ECHDC1: variants seen among roughly 807,000 people sequenced by gnomAD.
ECHDC1 encodes the protein ethylmalonyl-CoA decarboxylase 1, also known as ethylmalonyl-CoA decarboxylase.
In ECHDC1, 29 loss-of-function variants were observed where a neutral mutation model predicts 29.7. The observed-to-expected ratio is 0.98, with a 90% CI of 0.73 to 1.33. The LOEUF (loss-of-function observed/expected upper bound fraction) is 1.33, where lower values mean the gene tolerates loss of function less well. ECHDC1 is among the 40% of genes most tolerant of loss of function. The pLI is 0.00. For missense variants in ECHDC1, 328 were observed against 350.0 expected (o/e 0.94, Z 0.50); for synonymous variants, 126 against 123.1 (o/e 1.02, Z -0.15).
At position 127,330,953 on chromosome 6, in the gene ECHDC1, A is replaced by T; in HGVS notation, c.76T>A (p.Tyr26Asn). Reference protein sequence around the residue: ...KLLHQTGLSLYSTSHGFYEEE... With the variant: ...KLLHQTGLSLNSTSHGFYEEE... ...TCATAAAATCCATGGGATGTACTAT[A>T]AAGTGACAATCCTGTTTGATGTAGC... The change falls in exon 2 of 6, where the codon TAT (tyrosine) becomes AAT (asparagine). Residue 26 changes from tyrosine to asparagine, a missense_variant. By Grantham distance (143) the Tyr-to-Asn change is moderately radical. Coordinates refer to ENST00000454859, the MANE Select transcript of ECHDC1 (RefSeq NM_001002030.2). 6.2e-7 allele frequency: 1 copy of T among 1,614,126 alleles called. No individual in the cohort carries two copies. Among genetic ancestry groups the T allele is most frequent in the Middle Eastern group, 1.6e-4 (1 of 6,062 alleles).
At chr6:127,328,657 A>G (rs1285107910) in intron 2 of ECHDC1, among the ~76,000 whole-genome samples, 4 of 152,228 alleles carry the variant, frequency 2.6e-5, no homozygotes, top group African/African-American at 9.6e-5. Flanking sequence ...AAGGGAAAGA[A>G]GAAACCCATA....
At chr6:127,332,600 G>A (rs1784061025) in intron 1 of ECHDC1, among the ~76,000 whole-genome samples, 1 of 152,146 alleles carries the variant, frequency 6.6e-6, no homozygotes, top group Non-Finnish European at 1.5e-5. Flanking sequence ...GGTGGATGTA[G>A]GGGAGTTCTT....
intron 1 of ECHDC1, among the ~76,000 whole-genome samples, chr6:127,337,813 C>A (rs1784566726): frequency 1.3e-5 from 2 of 152,188 alleles, no homozygotes; most frequent in Non-Finnish European, 2.9e-5. Flanking sequence ...TTCTGTTTCA[C>A]CTCCCCTTTC....
chr6:127,331,124 T>C (rs1049482457), intron 1 of ECHDC1, 94 bp from the exon 2 acceptor site: 3 of 913,248 alleles, frequency 3.3e-6, no homozygotes, highest in African/African-American at 1.7e-5. Flanking sequence ...TGGACCCTTC[T>C]GTTGAGTTGG....
chr6:127,313,469 C>T, intron 5 of ECHDC1: 3 of 404,094 alleles, frequency 7.4e-6, no homozygotes, highest in Admixed American at 2.7e-5. Context: ...CCCCAAAATG[C>T]TGGGATAACA....
chr6:127,289,070 A>G lies in ECHDC1; in HGVS notation c.*799T>C, dbSNP rs930742843. ...TTTACTTTTGAAAGATAGTTGTTAG[A>G]AGGTTAGTTGTTTTTCAGGAAAAAA... On this transcript the variant is annotated 3_prime_UTR_variant, in exon 6 of 6. Coordinates refer to ENST00000454859, the MANE Select transcript of ECHDC1 (RefSeq NM_001002030.2). 1.3e-5 allele frequency: 2 copies of G among 152,020 alleles called. No individual in the cohort carries two copies. Among genetic ancestry groups the G allele is most frequent in the Admixed American group, 6.6e-5 (1 of 15,242 alleles). 9.4% of individuals were successfully genotyped at this position (152,020 alleles called of 1,614,324 possible).
chr6:127,290,587 A>T (rs1172401967), intron 5 of ECHDC1, among the ~76,000 whole-genome samples: 2 of 152,070 alleles, frequency 1.3e-5, no homozygotes, highest in Non-Finnish European at 2.9e-5. Flanking sequence ...GGATCAAGTG[A>T]AAGTATGGGA....
At chr6:127,329,815 G>T in intron 2 of ECHDC1, 1 of 420,980 alleles carries the variant, frequency 2.4e-6, no homozygotes, top group South Asian at 1.8e-5. Context: ...TTGCACATGT[G>T]GCTCACCTTT....
Position 127,289,979 on chromosome 6 carries a change from C to T in ECHDC1, c.796G>A (p.Glu266Lys). 1 of 1,613,678 alleles carries T rather than the reference C, an allele frequency of 6.2e-7. No homozygotes were observed. Among genetic ancestry groups the T allele is most frequent in the Non-Finnish European group, 8.5e-7 (1 of 1,179,728 alleles). ...ALKKSVCSGR[E>K]LYLEEALQNE... ...TGTAATGCTTCCTCCAAATATAGCT[C>T]TCTGCCTGAACAAACAGATTTTTTC... Residue 266 changes from glutamate to lysine, a missense_variant, in exon 6 of 6, where the codon GAG becomes AAG. By Grantham distance (56) the Glu-to-Lys change is moderately conservative (BLOSUM62 1). Coordinates refer to ENST00000454859, the MANE Select transcript of ECHDC1 (RefSeq NM_001002030.2).
intron 5 of ECHDC1, among the ~76,000 whole-genome samples, chr6:127,305,624 T>C (rs926210933): frequency 6.6e-6 from 1 of 152,130 alleles, no homozygotes; most frequent in Non-Finnish European, 1.5e-5. Flanking sequence ...ATAGACAGTA[T>C]ACAACAAAAA....
intron 4 of ECHDC1, chr6:127,315,889 A>G (rs1782327165): frequency 2.2e-6 from 1 of 453,406 alleles, no homozygotes; most frequent in African/African-American, 2.0e-5. Context: ...GTGAAAGTAG[A>G]AAGCTAATCA....
chr6:127,311,769 C>G (rs1781957293), intron 5 of ECHDC1, among the ~76,000 whole-genome samples: 1 of 122,866 alleles, frequency 8.1e-6, no homozygotes, highest in Non-Finnish European at 1.7e-5. Context: ...AAAAACAGAT[C>G]TTGACTGAAT....
At chr6:127,336,761 A>C (rs1277851436) in intron 1 of ECHDC1, among the ~76,000 whole-genome samples, 1 of 152,250 alleles carries the variant, frequency 6.6e-6, no homozygotes, top group Non-Finnish European at 1.5e-5. Flanking sequence ...GAAAAGTTTT[A>C]CAAATAAAAT....
intron 5 of ECHDC1, among the ~76,000 whole-genome samples, chr6:127,298,879 A>G (rs1407413794): frequency 2.1e-5 from 3 of 144,698 alleles, no homozygotes; most frequent in Non-Finnish European, 1.5e-5. Context: ...ACTGTACTAT[A>G]TTTTTTTTTT....
chr6:127,326,421 G>T, intron 3 of ECHDC1: 1 of 376,832 alleles, frequency 2.7e-6, no homozygotes, highest in South Asian at 2.2e-5. Flanking sequence ...AAACTACCCA[G>T]TCTCAGGTAG....
At chr6:127,306,454 T>C (rs1471720442) in intron 5 of ECHDC1, among the ~76,000 whole-genome samples, 1 of 151,972 alleles carries the variant, frequency 6.6e-6, no homozygotes, top group East Asian at 1.9e-4. Context: ...TAGGAGGAGG[T>C]GATTGGATCA....
intron 5 of ECHDC1, among the ~76,000 whole-genome samples, chr6:127,309,375 T>C (rs1028973517): frequency 1.2e-4 from 18 of 151,724 alleles, no homozygotes; most frequent in African/African-American, 4.4e-4. Context: ...CTGGGAAAAC[T>C]GGATATTTAT....
chr6:127,312,124 G>A (rs1781994474), intron 5 of ECHDC1, among the ~76,000 whole-genome samples: 1 of 151,910 alleles, frequency 6.6e-6, no homozygotes, highest in African/African-American at 2.4e-5. Flanking sequence ...ATAGTATTTA[G>A]TATTAAAGTA....
intron 5 of ECHDC1, among the ~76,000 whole-genome samples, chr6:127,309,409 C>T (rs528476588): frequency 6.6e-6 from 1 of 151,274 alleles, no homozygotes; most frequent in Non-Finnish European, 1.5e-5. Context: ...AAATTAGACC[C>T]CTATCTATCA....
Sources: allele counts gnomAD v4.1 joint callset (sites outside exome capture counted in the v4.1 genomes callset), GRCh38; gene constraint gnomAD v4.1.1; transcripts MANE v1.5; gene names NCBI Gene and HGNC (gene_info 2026-07-23, HGNC 2026-07-21).